C8orf88: variants seen among roughly 807,000 people sequenced by gnomAD.
C8orf88 encodes uncharacterized protein C8orf88.
In C8orf88, 14 loss-of-function variants were observed where a neutral mutation model predicts 18.4. The ratio of observed to expected loss-of-function variants is 0.76; its 90% CI spans 0.50 to 1.19. C8orf88 has a LOEUF of 1.19. Ranked by LOEUF, C8orf88 falls within the 50% of genes most tolerant of loss-of-function variation. The pLI is 0.00. For missense variants in C8orf88, 116 were observed against 134.7 expected (o/e 0.86, Z 0.69); for synonymous variants, 45 against 42.9 (o/e 1.05, Z -0.19).
At chr8:90,973,656 A>C (rs776356205) in intron 3 of C8orf88, among the ~76,000 whole-genome samples, 2 of 152,034 alleles carry the variant, frequency 1.3e-5, no homozygotes, top group South Asian at 4.1e-4. Context: ...CTACTTTTCA[A>C]AAGTTTTTGT....
intron 5 of C8orf88, among the ~76,000 whole-genome samples, chr8:90,959,763 G>A (rs961783611): frequency 1.3e-5 from 2 of 151,266 alleles, no homozygotes; most frequent in African/African-American, 4.8e-5. Flanking sequence ...TCTCCCATTC[G>A]AACTGTTCTC....
chr8:90,980,985 G>A (rs763570362), intron 1 of C8orf88, among the ~76,000 whole-genome samples: 9 of 151,830 alleles, frequency 5.9e-5, no homozygotes, highest in Non-Finnish European at 1.3e-4. Flanking sequence ...TCTTTCTTCC[G>A]AATTTGGCTT....
In C8orf88 at chr8:90,973,464, T is replaced by C. The variant is rs183305443; in HGVS notation, c.148-2323A>G. 1.7e-3 allele frequency among the ~76,000 whole-genome samples: 254 copies of C among 152,194 alleles called. 1 individual carries two copies. The highest frequency in any genetic ancestry group is 5.9e-3 in the African/African-American group (247 of 41,544). ...CAATGGCACAATTCCCCAATATGCA[T>C]GCCCAGATTTTCTATTTAGACTTTT... On this transcript the variant is annotated intron_variant, in intron 3 of 5. Coordinates refer to ENST00000517562, the MANE Select transcript of C8orf88 (RefSeq NM_001190972.2).
intron 3 of C8orf88, among the ~76,000 whole-genome samples, chr8:90,971,466 TTTAA>T (rs1311983845): frequency 6.6e-6 from 1 of 152,002 alleles, no homozygotes; most frequent in Admixed American, 6.6e-5. Context: ...ATTCAGAAAA[TTTAA>T]TTGATGAAAA....
At chr8:90,981,875 C>A (rs999786450) in intron 1 of C8orf88, among the ~76,000 whole-genome samples, 11 of 152,070 alleles carry the variant, frequency 7.2e-5, no homozygotes, top group Admixed American at 3.9e-4. Flanking sequence ...ACCTGCTTAT[C>A]CAGAAATAAT....
At chr8:90,962,980 T>C (rs1282876435) in intron 4 of C8orf88, among the ~76,000 whole-genome samples, 3 of 151,652 alleles carry the variant, frequency 2.0e-5, no homozygotes, top group African/African-American at 7.3e-5. Flanking sequence ...GAAGCCCACA[T>C]GCATGTCAAA....
In C8orf88 at chr8:90,984,932, C is replaced by T. The variant is rs555872866; in HGVS notation, c.-27+182G>A. ...CGACGCTCTCGCTCCCATCCCACTCCCATTCAGGGTCCACAGGGTACTGAA... is the reference window on the plus strand; with the variant it reads ...CGACGCTCTCGCTCCCATCCCACTCTCATTCAGGGTCCACAGGGTACTGAA... On this transcript the variant is annotated intron_variant, in intron 1 of 5. Transcript: ENST00000517562. 2.0e-5 allele frequency among the ~76,000 whole-genome samples: 3 copies of T among 152,328 alleles called. No individual in the cohort carries two copies. In the South Asian group the frequency reaches 6.2e-4, roughly 32 times the overall value.
At chr8:90,972,066 T>C (rs1057167413) in intron 3 of C8orf88, among the ~76,000 whole-genome samples, 21 of 152,134 alleles carry the variant, frequency 1.4e-4, no homozygotes, top group African/African-American at 5.1e-4. Context: ...ATCATGAAGG[T>C]AGGTTTCTTT....
chr8:90,978,284 G>A (rs959682742), intron 3 of C8orf88, among the ~76,000 whole-genome samples: 1 of 152,112 alleles, frequency 6.6e-6, no homozygotes, highest in African/African-American at 2.4e-5. Context: ...AAAATAAATT[G>A]AGGATAGTTA....
intron 1 of C8orf88, among the ~76,000 whole-genome samples, chr8:90,983,241 G>T (rs950441223): frequency 4.6e-5 from 7 of 152,090 alleles, no homozygotes; most frequent in African/African-American, 1.4e-4. Context: ...GTATAGTTTT[G>T]TGGTATAAAT....
At chr8:90,977,841 G>A (rs1288210243) in intron 3 of C8orf88, among the ~76,000 whole-genome samples, 1 of 152,104 alleles carries the variant, frequency 6.6e-6, no homozygotes, top group Non-Finnish European at 1.5e-5. Context: ...CAGCTACTCG[G>A]GAGGCTGAAG....
intron 3 of C8orf88, among the ~76,000 whole-genome samples, chr8:90,977,627 T>C (rs571362527): frequency 1.3e-5 from 2 of 152,140 alleles, no homozygotes; most frequent in Non-Finnish European, 2.9e-5. Context: ...TGTGCATGCA[T>C]AGTCTATTCC....
At chr8:90,962,007 G>A (rs554656365) in intron 4 of C8orf88, among the ~76,000 whole-genome samples, 9 of 151,624 alleles carry the variant, frequency 5.9e-5, no homozygotes, top group South Asian at 2.1e-4. Flanking sequence ...AGATACACAT[G>A]AAAAGACTAG....
At chr8:90,981,855 T>C (rs1466462634) in intron 1 of C8orf88, among the ~76,000 whole-genome samples, 1 of 152,126 alleles carries the variant, frequency 6.6e-6, no homozygotes, top group African/African-American at 2.4e-5. Context: ...AAAACTCCAC[T>C]TGATTTTGCA....
rs905946258 is a variant in C8orf88, at chr8:90,958,653, T to C, written c.*354A>G. On this transcript the variant is annotated 3_prime_UTR_variant, in exon 6 of 6. Coordinates refer to ENST00000517562, the MANE Select transcript of C8orf88 (RefSeq NM_001190972.2). ...TACCATATATACACTGTAGCAAATA[T>C]TTTATATTTGAGAGTCTTTACAGCT... 8.4e-6 allele frequency: 2 copies of C among 238,076 alleles called. No homozygotes were observed. The highest frequency in any genetic ancestry group is 4.7e-5 in the African/African-American group (2 of 42,336). The allele number at this position is 238,076 out of a possible 1,614,324, so 14.7% of individuals were successfully genotyped here. A position where few individuals can be genotyped will look rare whatever the true frequency, so the allele number is the denominator to read the frequency against.
At chr8:90,982,140 T>C (rs2130328133) in intron 1 of C8orf88, among the ~76,000 whole-genome samples, 1 of 152,260 alleles carries the variant, frequency 6.6e-6, no homozygotes, top group South Asian at 2.1e-4. Flanking sequence ...AACCCAGCTT[T>C]GTAATGTGTC....
At chr8:90,959,700 GA>G (rs1276215041) in intron 5 of C8orf88, among the ~76,000 whole-genome samples, 1 of 151,296 alleles carries the variant, frequency 6.6e-6, no homozygotes, top group Non-Finnish European at 1.5e-5. Flanking sequence ...AAAATACTAT[GA>G]ATTCCAAAGA....
chr8:90,970,360 A>T (rs1811265797), intron 4 of C8orf88, among the ~76,000 whole-genome samples: 1 of 151,584 alleles, frequency 6.6e-6, no homozygotes, highest in Non-Finnish European at 1.5e-5. Flanking sequence ...ATATTAGAAG[A>T]AAAAAATTAA....
intron 3 of C8orf88, among the ~76,000 whole-genome samples, chr8:90,974,413 G>C (rs1811320455): frequency 6.6e-6 from 1 of 152,270 alleles, no homozygotes; most frequent in Non-Finnish European, 1.5e-5. Flanking sequence ...CCAATGGCCA[G>C]TATTAACTGA....
Sources: gnomAD v4.1 joint callset for allele counts (sites outside exome capture counted in the v4.1 genomes callset) on GRCh38, gnomAD v4.1.1 for gene constraint, MANE v1.5 for transcripts, NCBI Gene and HGNC (gene_info 2026-07-23, HGNC 2026-07-21) for gene names.